Variants in ARMH3 observed in about 807,000 individuals in gnomAD.
ARMH3 encodes the protein armadillo like helical domain containing 3, also known as armadillo-like helical domain-containing protein 3.
Under a neutral mutation model 99.1 loss-of-function variants are expected in ARMH3, and 60 were observed. The ratio of observed to expected loss-of-function variants is 0.61; its 90% CI spans 0.49 to 0.75. The LOEUF (loss-of-function observed/expected upper bound fraction) is 0.75, where lower values mean the gene tolerates loss of function less well. Among genes scored for constraint, ARMH3 ranks in the 30% least tolerant of loss-of-function variants. The pLI, the probability that ARMH3 is intolerant of heterozygous loss-of-function variation, is 0.00. For missense variants in ARMH3, 679 were observed against 843.1 expected (o/e 0.81, Z 2.41); for synonymous variants, 285 against 292.8 (o/e 0.97, Z 0.27).
chr10:101,979,701 G>T (rs1267885105), intron 19 of ARMH3, among the ~76,000 whole-genome samples: 2 of 152,168 alleles, frequency 1.3e-5, no homozygotes, highest in African/African-American at 2.4e-5. Context: ...GCAATTTACA[G>T]CTTTCACGGC....
At chr10:101,981,161 T>C (rs558302765) in intron 19 of ARMH3, among the ~76,000 whole-genome samples, 1 of 152,170 alleles carries the variant, frequency 6.6e-6, no homozygotes, top group African/African-American at 2.4e-5. Context: ...ATGTAATCGT[T>C]TTTTTGTTTT....
At chr10:101,897,517 G>C (rs2067866802) in intron 23 of ARMH3, among the ~76,000 whole-genome samples, 1 of 152,156 alleles carries the variant, frequency 6.6e-6, no homozygotes, top group South Asian at 2.1e-4. Context: ...CATATCAAGA[G>C]GCTAGAGGAA....
intron 22 of ARMH3, among the ~76,000 whole-genome samples, chr10:101,949,021 A>AATAAGAAT: frequency 6.6e-6 from 1 of 152,276 alleles, no homozygotes; most frequent in African/African-American, 2.4e-5. Flanking sequence ...ATTCAAGGGA[A>AATAAGAAT]ATAAGAAAAT....
chr10:101,913,439 C>T (rs1219692798), intron 23 of ARMH3, among the ~76,000 whole-genome samples: 1 of 148,516 alleles, frequency 6.7e-6, no homozygotes, highest in African/African-American at 2.5e-5. Flanking sequence ...CACCACAGCT[C>T]GCTGCAGCCT....
intron 24 of ARMH3, among the ~76,000 whole-genome samples, chr10:101,850,279 A>G (rs2066564804): frequency 1.3e-5 from 2 of 151,092 alleles, no homozygotes; most frequent in Non-Finnish European, 2.9e-5. Context: ...TATATGTTTT[A>G]GTAGAGATGG....
intron 19 of ARMH3, among the ~76,000 whole-genome samples, chr10:101,989,169 G>A (rs373658475): frequency 3.3e-5 from 5 of 152,232 alleles, no homozygotes; most frequent in African/African-American, 1.2e-4. Flanking sequence ...AGCTGTTCTT[G>A]GGTGTTAAAG....
intron 23 of ARMH3, among the ~76,000 whole-genome samples, chr10:101,934,841 A>C (rs962964282): frequency 6.6e-6 from 1 of 152,040 alleles, no homozygotes; most frequent in East Asian, 1.9e-4. Flanking sequence ...CATCTTCCTA[A>C]AGTACAAGAC....
chr10:101,949,899 G>A (rs1389399157), intron 22 of ARMH3, among the ~76,000 whole-genome samples: 1 of 152,138 alleles, frequency 6.6e-6, no homozygotes, highest in East Asian at 1.9e-4. Flanking sequence ...ACAGACAATA[G>A]TAGGAAAACC....
intron 24 of ARMH3, among the ~76,000 whole-genome samples, chr10:101,882,233 T>G (rs1589959713): frequency 6.6e-6 from 1 of 152,176 alleles, no homozygotes; most frequent in Admixed American, 6.5e-5. Context: ...ACTGAAAGCT[T>G]AAGGAATAAG....
intron 22 of ARMH3, among the ~76,000 whole-genome samples, chr10:101,951,396 C>T (rs1202703384): frequency 1.3e-5 from 2 of 151,926 alleles, no homozygotes; most frequent in Non-Finnish European, 2.9e-5. Flanking sequence ...ATAGGGCAAC[C>T]TCATCTATAC....
At chr10:101,973,904 T>A (rs1564809456) in intron 20 of ARMH3, among the ~76,000 whole-genome samples, 1 of 152,244 alleles carries the variant, frequency 6.6e-6, no homozygotes, top group Non-Finnish European at 1.5e-5. Context: ...ATCATTATTG[T>A]GTTTTCTCTT....
At chr10:101,963,026 G>A (rs1440117800) in intron 20 of ARMH3, among the ~76,000 whole-genome samples, 2 of 147,932 alleles carry the variant, frequency 1.4e-5, no homozygotes, top group South Asian at 4.2e-4. Flanking sequence ...CTGAAGTGCA[G>A]TGGCATGATC....
intron 13 of ARMH3, among the ~76,000 whole-genome samples, chr10:102,008,614 G>A (rs535538151): frequency 1.1e-4 from 16 of 151,918 alleles, no homozygotes; most frequent in East Asian, 3.9e-4. Context: ...GTGCAATGGC[G>A]CGACTTCGGC....
At chr10:101,923,786 G>C (rs951801776) in intron 23 of ARMH3, among the ~76,000 whole-genome samples, 2 of 152,166 alleles carry the variant, frequency 1.3e-5, no homozygotes, top group African/African-American at 4.8e-5. Context: ...GGAGGCTACA[G>C]GAAGATTTAA....
chr10:101,890,872 A>ATTTTT (rs1313468909), intron 23 of ARMH3, among the ~76,000 whole-genome samples: 1 of 130,920 alleles, frequency 7.6e-6, no homozygotes, highest in Admixed American at 7.8e-5. Flanking sequence ...CCTGACTGGT[A>ATTTTT]TTTTTTTTTT....
chr10:101,849,165 G>C (rs1298819517), intron 25 of ARMH3, among the ~76,000 whole-genome samples: 1 of 152,210 alleles, frequency 6.6e-6, no homozygotes, highest in Non-Finnish European at 1.5e-5. Flanking sequence ...TGTAAACCAA[G>C]CTGGTAGGGT....
chr10:101,922,732 G>C lies in ARMH3; in HGVS notation c.1781+17131C>G, dbSNP rs139870746. ...TCCATCCCTATCTGAATCCCATCTA[G>C]TAAATTATCTCACAAGAAAGATGAA... On this transcript the variant is annotated intron_variant, in intron 23 of 25. Coordinates refer to ENST00000370033, the MANE Select transcript of ARMH3 (RefSeq NM_024541.3). 1.2e-4 allele frequency among the ~76,000 whole-genome samples: 19 copies of C among 152,236 alleles called. No homozygotes were observed. In the Middle Eastern group the frequency reaches 0.014, roughly 109 times the overall value.
chr10:101,913,915 G>A (rs143813931), intron 23 of ARMH3, among the ~76,000 whole-genome samples: 34 of 152,248 alleles, frequency 2.2e-4, no homozygotes, highest in African/African-American at 7.0e-4. Context: ...ATTCTAACTC[G>A]GGTACAGCAG....
chr10:101,898,512 G>A (rs1242051392), intron 23 of ARMH3, among the ~76,000 whole-genome samples: 1 of 152,174 alleles, frequency 6.6e-6, no homozygotes, highest in African/African-American at 2.4e-5. Context: ...TCATTCAGAA[G>A]CTCAGAACAT....
Sources: gnomAD v4.1 joint callset for allele counts (sites outside exome capture counted in the v4.1 genomes callset) on GRCh38, gnomAD v4.1.1 for gene constraint, MANE v1.5 for transcripts, NCBI Gene and HGNC (gene_info 2026-07-23, HGNC 2026-07-21) for gene names.